The following MPP7 variants were observed in gnomAD, a reference collection of about 807,000 sequenced individuals.
MPP7 encodes MAGUK p55 scaffold protein 7.
A neutral mutation model predicts 76.5 loss-of-function variants in MPP7; 60 were observed. The observed-to-expected ratio is 0.78, with a 90% CI of 0.64 to 0.97. The LOEUF is 0.97. Ranked by LOEUF, MPP7 falls within the 50% of genes least tolerant of loss-of-function variation. MPP7 has a pLI of 0.00. For missense variants in MPP7, 641 were observed against 694.0 expected (o/e 0.92, Z 0.86); for synonymous variants, 237 against 244.5 (o/e 0.97, Z 0.29).
At position 28,262,205 on chromosome 10, in the gene MPP7, ATACAT is replaced by A. The variant is rs1839983241; in HGVS notation, c.-131-23475_-131-23471del. ...ATAAATTATATATATATATATATAT[ATACAT>A]ATATATATATATATACATATATATA... On this transcript the variant is annotated intron_variant, in intron 1 of 16. Coordinates refer to ENST00000683449, the MANE Select transcript of MPP7 (RefSeq NM_001318170.2). Among the ~76,000 whole-genome samples, 3 of 10,310 alleles carry A rather than the reference ATACAT, an allele frequency of 2.9e-4. 1 individual carries two copies. Among genetic ancestry groups the A allele is most frequent in the Non-Finnish European group, 1.1e-3 (3 of 2,648 alleles). The allele number at this position is 10,310 out of a possible 152,430, so 6.8% of individuals were successfully genotyped here.
At chr10:28,203,163 C>T (rs1024329739) in intron 2 of MPP7, 43 of 152,244 alleles carry the variant, frequency 2.8e-4, no homozygotes, top group African/African-American at 1.0e-3. Flanking sequence ...GACAAAATTC[C>T]TTTTATTTCT....
chr10:28,122,043 T>C (rs138898225), intron 8 of MPP7, among the ~76,000 whole-genome samples: 1 of 152,306 alleles, frequency 6.6e-6, no homozygotes, highest in East Asian at 1.9e-4. Flanking sequence ...TTATAAAGGG[T>C]TGATTTATTT....
chr10:28,116,279 T>C (rs1426883695), intron 11 of MPP7, among the ~76,000 whole-genome samples: 1 of 152,156 alleles, frequency 6.6e-6, no homozygotes, highest in Non-Finnish European at 1.5e-5. Context: ...CACAAATGAA[T>C]TCCTATTTCT....
intron 12 of MPP7, among the ~76,000 whole-genome samples, chr10:28,086,899 C>G (rs554965324): frequency 1.3e-5 from 2 of 152,276 alleles, no homozygotes; most frequent in African/African-American, 2.4e-5. Context: ...CAAACAAAAC[C>G]AGGCAGAGTG....
At chr10:28,329,651 AAC>A (rs1293008776) in intron 2 of MPP7, among the ~76,000 whole-genome samples, 17 of 144,504 alleles carry the variant, frequency 1.2e-4, no homozygotes, top group African/African-American at 3.7e-4. Flanking sequence ...AAAAAAAAAA[AAC>A]CACTACTTTA....
intron 11 of MPP7, among the ~76,000 whole-genome samples, chr10:28,109,740 T>A (rs887191403): frequency 8.0e-5 from 12 of 150,238 alleles, no homozygotes; most frequent in African/African-American, 2.7e-4. Flanking sequence ...CCTATATAGG[T>A]TCCACTGTTG....
At chr10:28,316,890 T>G (rs1206006649) in intron 2 of MPP7, among the ~76,000 whole-genome samples, 1 of 152,156 alleles carries the variant, frequency 6.6e-6, no homozygotes, top group Non-Finnish European at 1.5e-5. Flanking sequence ...TTCAAATTTG[T>G]CAAAGAGAAA....
chr10:28,331,269 C>T (rs572629510), intron 1 of MPP7, among the ~76,000 whole-genome samples: 30 of 152,232 alleles, frequency 2.0e-4, no homozygotes, highest in Middle Eastern at 3.4e-3. Context: ...AATTAACTTC[C>T]TTCTTCTCTT....
At chr10:28,323,589 A>G (rs906160754) in intron 2 of MPP7, among the ~76,000 whole-genome samples, 2 of 152,186 alleles carry the variant, frequency 1.3e-5, no homozygotes, top group African/African-American at 4.8e-5. Context: ...TCAAGCCTGT[A>G]ATCCCAGTAC....
At chr10:28,223,434 C>T (rs1245164734) in intron 2 of MPP7, among the ~76,000 whole-genome samples, 1 of 152,200 alleles carries the variant, frequency 6.6e-6, no homozygotes, top group Non-Finnish European at 1.5e-5. Flanking sequence ...TTTTGTTCAC[C>T]TATGCTCAAA....
chr10:28,200,756 C>T (rs796315338), intron 3 of MPP7, among the ~76,000 whole-genome samples: 5 of 152,256 alleles, frequency 3.3e-5, no homozygotes, highest in African/African-American at 1.2e-4. Flanking sequence ...ACAAACAACC[C>T]TGTAAACAGA....
At chr10:28,179,188 G>A (rs1836978019) in intron 3 of MPP7, among the ~76,000 whole-genome samples, 2 of 152,050 alleles carry the variant, frequency 1.3e-5, no homozygotes, top group Admixed American at 1.3e-4. Context: ...CACTCACACT[G>A]GTTAATTCTT....
At chr10:28,198,688 A>G (rs1163475370) in intron 3 of MPP7, among the ~76,000 whole-genome samples, 2 of 152,062 alleles carry the variant, frequency 1.3e-5, no homozygotes. Flanking sequence ...ACACAGAAAC[A>G]TAACTAAAAA....
intron 3 of MPP7, among the ~76,000 whole-genome samples, chr10:28,161,487 T>C (rs1836262512): frequency 6.6e-6 from 1 of 152,134 alleles, no homozygotes; most frequent in Non-Finnish European, 1.5e-5. Flanking sequence ...AAAGCTGCTA[T>C]TATACAAGAA....
chr10:28,145,388 T>G (rs1184592060), intron 5 of MPP7, among the ~76,000 whole-genome samples: 2 of 152,206 alleles, frequency 1.3e-5, no homozygotes, highest in Non-Finnish European at 2.9e-5. Flanking sequence ...TTTTCATATT[T>G]TAACTGTCAA....
At chr10:28,283,253 T>A (rs893624404) in intron 1 of MPP7, among the ~76,000 whole-genome samples, 1 of 152,060 alleles carries the variant, frequency 6.6e-6, no homozygotes, top group African/African-American at 2.4e-5. Flanking sequence ...TGGTCTCTGA[T>A]GTATAGGAGA....
chr10:28,235,246 T>C (rs1839034200), intron 2 of MPP7, among the ~76,000 whole-genome samples: 1 of 152,164 alleles, frequency 6.6e-6, no homozygotes, highest in Non-Finnish European at 1.5e-5. Flanking sequence ...CTGAATAAAG[T>C]ACAGATTTTA....
At chr10:28,312,203 C>T (rs1005110729) in intron 2 of MPP7, among the ~76,000 whole-genome samples, 3 of 152,128 alleles carry the variant, frequency 2.0e-5, no homozygotes, top group African/African-American at 7.2e-5. Flanking sequence ...TTTTTGTCCC[C>T]TCGCATGTTC....
chr10:28,238,532 G>C, intron 2 of MPP7, 36 bp downstream of exon 2: 1 of 1,608,582 alleles, frequency 6.2e-7, no homozygotes. Context: ...TTTAAGCAAA[G>C]ATGGAATGAG....
Sources: allele counts gnomAD v4.1 joint callset (sites outside exome capture counted in the v4.1 genomes callset), GRCh38; gene constraint gnomAD v4.1.1; transcripts MANE v1.5; gene names NCBI Gene and HGNC (gene_info 2026-07-23, HGNC 2026-07-21).